Variants in RAP1B observed in about 807,000 individuals in gnomAD.
RAP1B encodes RAP1B, member of RAS oncogene family.
A neutral mutation model predicts 27.5 loss-of-function variants in RAP1B; 1 was observed. The ratio of observed to expected loss-of-function variants is 0.04; its 90% confidence interval spans 0.01 to 0.17. RAP1B has a LOEUF of 0.17. Among genes scored for constraint, RAP1B ranks in the 10% least tolerant of loss-of-function variants. The pLI is 1.00. For synonymous variants in RAP1B, 75 were observed against 73.1 expected (o/e 1.03, Z -0.13); for missense variants, 84 against 214.8 (o/e 0.39, Z 3.81).
intron 1 of RAP1B, among the ~76,000 whole-genome samples, chr12:68,615,312 GTTTTT>G (rs952635305): frequency 6.6e-6 from 1 of 151,870 alleles, no homozygotes; most frequent in Non-Finnish European, 1.5e-5. Context: ...AAATGTACCA[GTTTTT>G]TTTAATTTAA....
rs574697679 is a variant in RAP1B at position 68,664,630 on chromosome 12, A to C, written c.*5381A>C. On this transcript the variant is annotated 3_prime_UTR_variant, in exon 8 of 8. Coordinates refer to ENST00000250559, the MANE Select transcript of RAP1B (RefSeq NM_001010942.3). ...AGGCTGAGGCAGGAGAATCACTTGAACCTGGGAGGCCGAGGTTGCAGTGAG... is the reference window on the plus strand; with the variant it reads ...AGGCTGAGGCAGGAGAATCACTTGACCCTGGGAGGCCGAGGTTGCAGTGAG... 1 of 151,746 alleles carries C rather than the reference A, an allele frequency of 6.6e-6. No individual in the cohort carries two copies. The highest frequency in any genetic ancestry group is 1.5e-5 in the Non-Finnish European group (1 of 67,968). 9.4% of individuals were successfully genotyped at this position (151,746 alleles called of 1,614,324 possible).
intron 1 of RAP1B, among the ~76,000 whole-genome samples, chr12:68,629,954 T>C (rs760658692): frequency 6.6e-6 from 1 of 152,214 alleles, no homozygotes; most frequent in Non-Finnish European, 1.5e-5. Flanking sequence ...GTTTAAAATA[T>C]TCTACAGCAG....
At position 68,656,566 on chromosome 12, in the gene RAP1B, CA is replaced by C. The variant is rs368220197; in HGVS notation, c.468+129del. The C allele has an allele frequency of 0.13, 75,183 of 570,692 alleles. 29 individuals carry two copies. The highest frequency in any genetic ancestry group is 0.18 in the South Asian group (7,142 of 39,876). The allele number at this position is 570,692 out of a possible 1,614,324, so 35.4% of individuals were successfully genotyped here. A position where few individuals can be genotyped will look rare whatever the true frequency, so the allele number is the denominator to read the frequency against. ...CAGGGTAATATGTTGATGTTACAGG[CA>C]AAAAAAAAAAACCCTCATGTTAAAT... On this transcript the variant is annotated intron_variant, in intron 6 of 7. Coordinates refer to ENST00000250559, the MANE Select transcript of RAP1B (RefSeq NM_001010942.3).
chr12:68,627,260 A>G, intron 1 of RAP1B: 1 of 1,058,794 alleles, frequency 9.4e-7, no homozygotes, highest in Admixed American at 1.7e-5. Context: ...CCTTAGAGCA[A>G]CCCATACAAT....
rs539443900 is a variant in RAP1B, at chr12:68,631,954, A to T, written c.-26-16745A>T. The stretch of plus-strand genomic sequence containing the variant: ...TTCCCAGGATGGAGAGTTTCCTCAG[A>T]CATGAGACTTTCCGTGCTTAAACCT... On this transcript the variant is annotated intron_variant, in intron 1 of 7. Transcript: ENST00000250559. Among the ~76,000 whole-genome samples, 75 of 152,168 alleles carry T rather than the reference A, an allele frequency of 4.9e-4. 2 individuals are homozygous for T. The South Asian group carries it at 0.015, about 29-fold the overall frequency.
At chr12:68,613,787 AAG>A (rs1491304254) in intron 1 of RAP1B, among the ~76,000 whole-genome samples, 1 of 152,242 alleles carries the variant, frequency 6.6e-6, no homozygotes, top group Non-Finnish European at 1.5e-5. Flanking sequence ...TGAACATTCA[AAG>A]AGAGGATATT....
intron 1 of RAP1B, among the ~76,000 whole-genome samples, chr12:68,629,013 A>C (rs368870190): frequency 6.6e-6 from 1 of 151,702 alleles, no homozygotes; most frequent in African/African-American, 2.4e-5. Flanking sequence ...TTTATCTTCT[A>C]TCTGTCTGTC....
intron 1 of RAP1B, among the ~76,000 whole-genome samples, chr12:68,633,460 C>T (rs552970426): frequency 2.6e-5 from 4 of 152,328 alleles, no homozygotes; most frequent in South Asian, 2.1e-4. Flanking sequence ...GCTAACACAG[C>T]GCAAACACTG....
intron 1 of RAP1B, among the ~76,000 whole-genome samples, chr12:68,646,128 G>GTGAA (rs529371034): frequency 5.5e-4 from 83 of 152,264 alleles, no homozygotes; most frequent in Non-Finnish European, 1.1e-3. Context: ...AGCCACCTTT[G>GTGAA]TGAAATAAGA....
intron 4 of RAP1B, among the ~76,000 whole-genome samples, chr12:68,652,816 TAGA>T (rs1004378999): frequency 6.6e-6 from 1 of 152,196 alleles, no homozygotes; most frequent in African/African-American, 2.4e-5. Flanking sequence ...GAAAATGTGT[TAGA>T]AGAAAAATTT....
At position 68,662,010 on chromosome 12, in the gene RAP1B, A is replaced by C. The variant is rs1186676241; in HGVS notation, c.*2761A>C. 1.8e-5 allele frequency: 1 copy of C among 56,978 alleles called. No homozygotes were observed. Among genetic ancestry groups the C allele is most frequent in the Non-Finnish European group, 4.8e-5 (1 of 20,708 alleles). 3.5% of individuals were successfully genotyped at this position (56,978 alleles called of 1,614,324 possible). On this transcript the variant is annotated 3_prime_UTR_variant, in exon 8 of 8. Transcript: ENST00000250559. ...AATGCCAGTGCTATCCTCTAGGTCT[A>C]TATATATATATATATATATATATTA...
rs1874874461 is a variant in RAP1B at position 68,666,802 on chromosome 12, A to G, written c.*7553A>G. 1 of 152,204 alleles carries G rather than the reference A, an allele frequency of 6.6e-6. No individual in the cohort carries two copies. The highest frequency in any genetic ancestry group is 2.1e-4 in the South Asian group (1 of 4,830). 9.4% of individuals were successfully genotyped at this position (152,204 alleles called of 1,614,324 possible). A position where few individuals can be genotyped will look rare whatever the true frequency, so the allele number is the denominator to read the frequency against. On this transcript the variant is annotated 3_prime_UTR_variant, in exon 8 of 8. Transcript: ENST00000250559. ...TATGGGTCTGCTCCAAGATAACTCA[A>G]AACATTCTGAACTGAATCAGCAGAC...
At chr12:68,632,124 G>T (rs924268900) in intron 1 of RAP1B, among the ~76,000 whole-genome samples, 17 of 139,646 alleles carry the variant, frequency 1.2e-4, no homozygotes, top group African/African-American at 4.6e-4. Flanking sequence ...TTGGGTTTTG[G>T]ATTTGTTTTT....
At chr12:68,618,080 A>G (rs1433856763) in intron 1 of RAP1B, among the ~76,000 whole-genome samples, 2 of 131,788 alleles carry the variant, frequency 1.5e-5, no homozygotes, top group East Asian at 2.3e-4. Context: ...TTCTTGTTCT[A>G]TAAAGCTTTT....
intron 5 of RAP1B, 99 bp downstream of exon 5, chr12:68,654,351 T>TGGGG (rs112638624): frequency 2.7e-4 from 44 of 165,688 alleles, no homozygotes; most frequent in Non-Finnish European, 3.2e-4. Flanking sequence ...GTATTTTGGT[T>TGGGG]GGGGGGGGGG....
At chr12:68,627,635 A>G (rs1262973374) in intron 1 of RAP1B, among the ~76,000 whole-genome samples, 6 of 152,150 alleles carry the variant, frequency 3.9e-5, no homozygotes, top group African/African-American at 7.2e-5. Flanking sequence ...GTCATGCTGG[A>G]ATGTGACCCA....
At chr12:68,655,679 G>A (rs985754937) in intron 5 of RAP1B, among the ~76,000 whole-genome samples, 1 of 152,014 alleles carries the variant, frequency 6.6e-6, no homozygotes, top group Non-Finnish European at 1.5e-5. Flanking sequence ...GGAATTACAG[G>A]CGTGTGTCAC....
At chr12:68,636,724 TG>T (rs1872654733) in intron 1 of RAP1B, among the ~76,000 whole-genome samples, 2 of 141,810 alleles carry the variant, frequency 1.4e-5, no homozygotes, top group Non-Finnish European at 3.1e-5. Context: ...CTATCCCTGC[TG>T]TTTTTTTTTG....
chr12:68,627,428 A>T (rs977604233), intron 1 of RAP1B: 5 of 451,984 alleles, frequency 1.1e-5, no homozygotes, highest in African/African-American at 2.0e-5. Context: ...AGAATGAGAG[A>T]TTTTACTAAT....
Sources: gnomAD v4.1 joint callset for allele counts (sites outside exome capture counted in the v4.1 genomes callset) on GRCh38, gnomAD v4.1.1 for gene constraint, MANE v1.5 for transcripts, NCBI Gene and HGNC (gene_info 2026-07-23, HGNC 2026-07-21) for gene names.